The following DEPTOR variants were observed in gnomAD, a reference collection of about 807,000 sequenced individuals.
DEPTOR encodes DEP domain-containing mTOR-interacting protein.
DEPTOR carries 41 observed loss-of-function variants against 41.6 expected under a neutral mutation model. The observed-to-expected ratio is 0.98, with a 90% CI of 0.77 to 1.28. The LOEUF is 1.28. Among genes scored for constraint, DEPTOR ranks in the 50% most tolerant of loss-of-function variants. The probability of loss-of-function intolerance (pLI) is 0.00; values close to 1 mark genes in which losing one functional copy is unlikely to be tolerated. For missense variants in DEPTOR, 514 were observed against 527.9 expected, an observed-to-expected ratio of 0.97 and a Z score of 0.26; for synonymous variants, 195 against 192.3, an observed-to-expected ratio of 1.01 and a Z score of -0.12.
chr8:120,039,931 G>A (rs1451034804), intron 8 of DEPTOR, among the ~76,000 whole-genome samples: 1 of 152,064 alleles, frequency 6.6e-6, no homozygotes, highest in African/African-American at 2.4e-5. Context: ...TGCAGTCTCT[G>A]CCTCTCGGTT....
chr8:119,892,846 G>A (rs569730738), intron 1 of DEPTOR, among the ~76,000 whole-genome samples: 3 of 151,286 alleles, frequency 2.0e-5, no homozygotes, highest in Non-Finnish European at 2.9e-5. Flanking sequence ...GCAGTGGCAC[G>A]ATCTTGGCTC....
rs1409143572 is a variant in DEPTOR, at chr8:119,906,615, A to AT, written c.123-21784dup. ...CCAGGCCTGTCAGATTCACTGCTGT[A>AT]TACCCCTTGTCTAGCATTACTAGGC... On this transcript the variant is annotated intron_variant, in intron 1 of 8. Coordinates refer to ENST00000286234, the MANE Select transcript of DEPTOR (RefSeq NM_022783.4). Among the ~76,000 whole-genome samples the AT allele has an allele frequency of 3.9e-5, 6 of 152,176 alleles. No individual in the cohort carries two copies. In the East Asian group the frequency reaches 1.2e-3, roughly 29 times the overall value.
intron 4 of DEPTOR, among the ~76,000 whole-genome samples, chr8:119,996,749 G>A (rs991433720): frequency 6.6e-6 from 1 of 152,088 alleles, no homozygotes; most frequent in Non-Finnish European, 1.5e-5. Flanking sequence ...TATTTATACA[G>A]AGCCAATATT....
At chr8:120,048,560 C>G (rs116362712) in intron 8 of DEPTOR, among the ~76,000 whole-genome samples, 1,943 of 152,280 alleles carry the variant, frequency 0.013, 39 homozygotes, top group African/African-American at 0.044. Flanking sequence ...GTGGAGAAAA[C>G]ACCCTAGTAG....
chr8:120,026,323 G>C (rs965780488), intron 8 of DEPTOR, among the ~76,000 whole-genome samples: 1 of 151,644 alleles, frequency 6.6e-6, no homozygotes, highest in Non-Finnish European at 1.5e-5. Context: ...TCACTTTAAG[G>C]GGGGCAGAGA....
At chr8:119,910,865 G>C (rs1017583521) in intron 1 of DEPTOR, among the ~76,000 whole-genome samples, 1 of 152,182 alleles carries the variant, frequency 6.6e-6, no homozygotes, top group Admixed American at 6.5e-5. Flanking sequence ...TTAATGATGA[G>C]TAAGGGATAG....
intron 3 of DEPTOR, among the ~76,000 whole-genome samples, chr8:119,940,819 A>C (rs902802594): frequency 6.6e-6 from 1 of 152,244 alleles, no homozygotes; most frequent in African/African-American, 2.4e-5. Flanking sequence ...GACCTTGAAG[A>C]CATTATGCTA....
chr8:120,035,059 T>C (rs943529357), intron 8 of DEPTOR, among the ~76,000 whole-genome samples: 14 of 152,110 alleles, frequency 9.2e-5, no homozygotes, highest in Non-Finnish European at 1.9e-4. Context: ...GGCTCATGCC[T>C]GGAATTCTAG....
At chr8:120,030,562 A>G (rs371245615) in intron 8 of DEPTOR, among the ~76,000 whole-genome samples, 2 of 119,758 alleles carry the variant, frequency 1.7e-5, no homozygotes, top group East Asian at 2.8e-4. Flanking sequence ...GCTGGAGTGC[A>G]GTGGTGTGAT....
chr8:119,891,349 G>A (rs1390848332), intron 1 of DEPTOR: 4 of 152,122 alleles, frequency 2.6e-5, no homozygotes, highest in Admixed American at 6.6e-5. Flanking sequence ...AGACGGGGCT[G>A]TCTGCCATTC....
intron 8 of DEPTOR, among the ~76,000 whole-genome samples, chr8:120,024,748 C>T (rs1176891967): frequency 6.6e-6 from 1 of 152,072 alleles, no homozygotes; most frequent in Non-Finnish European, 1.5e-5. Flanking sequence ...CCCTGCTGAA[C>T]CTTTGATTTC....
intron 4 of DEPTOR, among the ~76,000 whole-genome samples, chr8:119,987,053 CAT>C (rs753321397): frequency 8.5e-5 from 13 of 152,170 alleles, no homozygotes; most frequent in Non-Finnish European, 1.5e-4. Flanking sequence ...ACTCATTCTC[CAT>C]CCAGTTTTGT....
At chr8:120,023,483 G>A (rs879273079) in intron 8 of DEPTOR, among the ~76,000 whole-genome samples, 12 of 152,026 alleles carry the variant, frequency 7.9e-5, no homozygotes, top group Admixed American at 1.3e-4. Flanking sequence ...AGTCACATTG[G>A]GCATTAAGAC....
rs56833210 is a variant in DEPTOR at position 120,006,801 on chromosome 8, C to A, written c.926-4C>A. 0.099 allele frequency: 159,329 copies of A among 1,612,578 alleles called. 10,977 individuals carry two copies. Among genetic ancestry groups the A allele is most frequent in the African/African-American group, 0.35 (25,990 of 74,800 alleles). On this transcript the variant is annotated splice_polypyrimidine_tract_variant and splice_region_variant and intron_variant, in intron 6 of 8. Coordinates refer to ENST00000286234, the MANE Select transcript of DEPTOR (RefSeq NM_022783.4). ...TATGTCTTGACATTGTGTTTGTCTGCCAGTGCTGAAGAGACCTGTCACCTC... is the reference window on the plus strand; with the variant it reads ...TATGTCTTGACATTGTGTTTGTCTGACAGTGCTGAAGAGACCTGTCACCTC...
intron 3 of DEPTOR, 106 bp downstream of exon 3, chr8:119,930,044 G>A: frequency 7.4e-7 from 1 of 1,350,790 alleles, no homozygotes; most frequent in South Asian, 1.8e-5. Flanking sequence ...ATGTGGGCTG[G>A]TTACATAACT....
Position 120,030,869 on chromosome 8 carries a change from C to T in DEPTOR, c.1102-18707C>T, listed in dbSNP as rs1266766671. 2.0e-5 allele frequency among the ~76,000 whole-genome samples: 3 copies of T among 151,942 alleles called. No homozygotes were observed. In the East Asian group the frequency reaches 5.8e-4, roughly 29 times the overall value. ...AGAGTGCAGTGGCTTGACCTAAGCT[C>T]ACTGCAACCTCCAGGTTCATCAGTT... On this transcript the variant is annotated intron_variant, in intron 8 of 8. Coordinates refer to ENST00000286234, the MANE Select transcript of DEPTOR (RefSeq NM_022783.4).
intron 4 of DEPTOR, among the ~76,000 whole-genome samples, chr8:119,972,200 T>C (rs1284475304): frequency 6.6e-6 from 1 of 152,216 alleles, no homozygotes; most frequent in Non-Finnish European, 1.5e-5. Flanking sequence ...TCTGATCTAC[T>C]CTAAATAATA....
chr8:119,998,722 C>T (rs897273263), intron 4 of DEPTOR, among the ~76,000 whole-genome samples: 13 of 152,054 alleles, frequency 8.5e-5, no homozygotes, highest in African/African-American at 1.4e-4. Context: ...ATTGGATGTA[C>T]GTCCAGACTA....
chr8:120,041,722 G>A (rs11780912), intron 8 of DEPTOR, among the ~76,000 whole-genome samples: 55,283 of 151,800 alleles, frequency 0.36, 10,403 homozygotes, highest in African/African-American at 0.4. Flanking sequence ...ATTTTTGGTA[G>A]AGACGGGGTT....
Sources: allele counts gnomAD v4.1 joint callset (sites outside exome capture counted in the v4.1 genomes callset), GRCh38; gene constraint gnomAD v4.1.1; transcripts MANE v1.5; gene names NCBI Gene and HGNC (gene_info 2026-07-23, HGNC 2026-07-21).